ANKS1B: variants seen among roughly 807,000 people sequenced by gnomAD.
The protein encoded by ANKS1B is ankyrin repeat and sterile alpha motif domain containing 1B, also known as ankyrin repeat and sterile alpha motif domain-containing protein 1B.
Under a neutral mutation model 148.3 loss-of-function variants are expected in ANKS1B, and 36 were observed. The observed-to-expected ratio is 0.24, with a 90% CI of 0.19 to 0.32. ANKS1B has a LOEUF of 0.32. Among genes scored for constraint, ANKS1B ranks in the 10% least tolerant of loss-of-function variants. The pLI is 1.00. For missense variants in ANKS1B, 1,157 were observed against 1,542.6 expected (o/e 0.75, Z 4.19); for synonymous variants, 542 against 560.8 (o/e 0.97, Z 0.47).
At chr12:99,358,891 T>C (rs961804461) in intron 12 of ANKS1B, among the ~76,000 whole-genome samples, 2 of 152,098 alleles carry the variant, frequency 1.3e-5, no homozygotes, top group African/African-American at 2.4e-5. Flanking sequence ...GGAATTCTAC[T>C]ACAGATAGGC....
Position 99,910,929 on chromosome 12 carries a change from T to C in ANKS1B, c.134+73175A>G, listed in dbSNP as rs183868209. On this transcript the variant is annotated intron_variant, in intron 1 of 26. Transcript: ENST00000683438. Reference sequence around the variant, plus strand: ...TGACAGCAATAATAATATCAAGTACTCATTTAGTTCATACTATGTGCCAGC... The same window carrying C: ...TGACAGCAATAATAATATCAAGTACCCATTTAGTTCATACTATGTGCCAGC... Among the ~76,000 whole-genome samples the C allele has an allele frequency of 2.0e-4, 30 of 152,326 alleles. No individual in the cohort carries two copies. In the East Asian group the frequency reaches 5.2e-3, roughly 26 times the overall value.
intron 17 of ANKS1B, among the ~76,000 whole-genome samples, chr12:98,961,374 A>G (rs1289043908): frequency 6.6e-6 from 1 of 152,222 alleles, no homozygotes; most frequent in Non-Finnish European, 1.5e-5. Flanking sequence ...ATCTTAGAAT[A>G]GTATATCCAA....
At chr12:99,329,952 T>C (rs1425384083) in intron 12 of ANKS1B, among the ~76,000 whole-genome samples, 1 of 151,914 alleles carries the variant, frequency 6.6e-6, no homozygotes, top group African/African-American at 2.4e-5. Flanking sequence ...TTCACATTTA[T>C]CATTGTTCTT....
intron 9 of ANKS1B, among the ~76,000 whole-genome samples, chr12:99,529,365 TCAA>T (rs1567282808): frequency 6.6e-6 from 1 of 152,150 alleles, no homozygotes; most frequent in Non-Finnish European, 1.5e-5. Context: ...AAAGAAGCCA[TCAA>T]CAAGTTGGGC....
chr12:99,115,611 C>A (rs1365891929), intron 15 of ANKS1B, among the ~76,000 whole-genome samples: 1 of 122,794 alleles, frequency 8.1e-6, no homozygotes. Flanking sequence ...ATGTACCCCA[C>A]AACCTAAAAT....
intron 10 of ANKS1B, among the ~76,000 whole-genome samples, chr12:99,454,552 G>A (rs562829552): frequency 6.6e-6 from 1 of 152,248 alleles, no homozygotes; most frequent in Admixed American, 6.5e-5. Flanking sequence ...TGAACAGATG[G>A]TTGGGAGAGT....
chr12:99,179,801 T>C (rs1382952982), intron 14 of ANKS1B, among the ~76,000 whole-genome samples: 3 of 152,212 alleles, frequency 2.0e-5, no homozygotes. Context: ...AGTGCTGACA[T>C]ATGATAAATC....
At chr12:99,549,443 T>G (rs1267283030) in intron 9 of ANKS1B, among the ~76,000 whole-genome samples, 2 of 152,222 alleles carry the variant, frequency 1.3e-5, no homozygotes, top group African/African-American at 4.8e-5. Flanking sequence ...CAACAGAATT[T>G]GCTAAATTAA....
chr12:99,622,003 C>A (rs1338323012), intron 9 of ANKS1B, among the ~76,000 whole-genome samples: 2 of 151,910 alleles, frequency 1.3e-5, no homozygotes, highest in African/African-American at 4.8e-5. Context: ...ACATGCTTGA[C>A]CAGAAGGCAA....
intron 9 of ANKS1B, among the ~76,000 whole-genome samples, chr12:99,529,426 G>A (rs528209674): frequency 6.6e-6 from 1 of 152,302 alleles, no homozygotes; most frequent in African/African-American, 2.4e-5. Flanking sequence ...GCTGAGATGG[G>A]CCGATCAGCT....
intron 14 of ANKS1B, among the ~76,000 whole-genome samples, chr12:99,243,059 A>G (rs569469941): frequency 1.6e-4 from 24 of 152,326 alleles, no homozygotes; most frequent in African/African-American, 5.3e-4. Context: ...TAATTAAACT[A>G]AAGAGATTCC....
intron 1 of ANKS1B, among the ~76,000 whole-genome samples, chr12:99,921,197 G>T (rs2094340816): frequency 6.6e-6 from 1 of 152,148 alleles, no homozygotes; most frequent in Non-Finnish European, 1.5e-5. Context: ...ACAGAGGAAG[G>T]TGATTGGATC....
chr12:99,932,447 T>C (rs1405392682), intron 1 of ANKS1B, among the ~76,000 whole-genome samples: 1 of 152,146 alleles, frequency 6.6e-6, no homozygotes, highest in East Asian at 1.9e-4. Context: ...TTATTGCCTG[T>C]CTTTTGGAGG....
intron 9 of ANKS1B, among the ~76,000 whole-genome samples, chr12:99,632,255 G>A (rs1424749634): frequency 6.6e-6 from 1 of 152,122 alleles, no homozygotes; most frequent in Admixed American, 6.5e-5. Flanking sequence ...CAGAAAACAA[G>A]AGCTGTGGAG....
intron 10 of ANKS1B, among the ~76,000 whole-genome samples, chr12:99,462,981 C>T (rs989681293): frequency 3.9e-5 from 6 of 152,192 alleles, no homozygotes; most frequent in Non-Finnish European, 5.9e-5. Context: ...CATGCTTGAA[C>T]ATCCTGCAGA....
At chr12:98,891,679 T>C (rs113944833) in intron 17 of ANKS1B, among the ~76,000 whole-genome samples, 2 of 152,276 alleles carry the variant, frequency 1.3e-5, no homozygotes, top group African/African-American at 4.8e-5. Flanking sequence ...CAAATACATA[T>C]ACAAGAGTAA....
At chr12:99,936,310 C>A (rs559811909) in intron 1 of ANKS1B, among the ~76,000 whole-genome samples, 157 of 152,228 alleles carry the variant, frequency 1.0e-3, no homozygotes, top group Non-Finnish European at 1.7e-3. Context: ...AGTTTTCCAT[C>A]CTATATTTCT....
At chr12:98,947,525 A>C (rs2099847279) in intron 17 of ANKS1B, among the ~76,000 whole-genome samples, 1 of 152,180 alleles carries the variant, frequency 6.6e-6, no homozygotes, top group African/African-American at 2.4e-5. Context: ...ACCTGACTTG[A>C]TTATCAGCTA....
At chr12:99,040,438 G>C (rs2099958248) in intron 17 of ANKS1B, among the ~76,000 whole-genome samples, 1 of 152,126 alleles carries the variant, frequency 6.6e-6, no homozygotes, top group African/African-American at 2.4e-5. Context: ...AGACACTGTT[G>C]GAAACTTTCT....
Sources: allele counts gnomAD v4.1 joint callset (sites outside exome capture counted in the v4.1 genomes callset), GRCh38; gene constraint gnomAD v4.1.1; transcripts MANE v1.5; gene names NCBI Gene and HGNC (gene_info 2026-07-23, HGNC 2026-07-21).